The following MAP2K7 variants were observed in gnomAD, a reference collection of about 807,000 sequenced individuals.
MAP2K7 encodes the protein mitogen-activated protein kinase kinase 7.
MAP2K7 carries 12 observed loss-of-function variants against 47.7 expected under a neutral mutation model. That is an observed-to-expected ratio of 0.25 (90% confidence interval 0.16 to 0.41). The LOEUF (loss-of-function observed/expected upper bound fraction) is 0.41. Ranked by LOEUF, MAP2K7 falls within the 10% of genes least tolerant of loss-of-function variation. The pLI is 1.00. For synonymous variants in MAP2K7, 299 were observed against 243.0 expected (o/e 1.23, Z -2.14); for missense variants, 415 against 600.3 (o/e 0.69, Z 3.23).
rs187898294 is a variant in MAP2K7, at chr19:7,911,423, G to T, written c.937-13G>T. On this transcript the variant is annotated splice_polypyrimidine_tract_variant and intron_variant, in intron 8 of 10. Transcript: ENST00000397979. ...AACATAAACCTGTCCAGCCCTGCCC[G>T]TCTCCCTCCCAGGTGGAGCTGGCAA... 1.9e-6 allele frequency: 3 copies of T among 1,613,114 alleles called. No homozygotes were observed. The highest frequency in any genetic ancestry group is 2.2e-5 in the South Asian group (2 of 91,090).
intron 10 of MAP2K7, 39 bp downstream of exon 10, chr19:7,912,233 G>T: frequency 6.2e-7 from 1 of 1,613,632 alleles, no homozygotes; most frequent in East Asian, 2.2e-5. Flanking sequence ...TCCTGTCCCT[G>T]CGGAGGCGCG....
chr19:7,906,116 A>C, intron 1 of MAP2K7: 1 of 531,362 alleles, frequency 1.9e-6, no homozygotes, highest in Non-Finnish European at 3.4e-6. Context: ...TCCCCCACTG[A>C]ATGGGAGTCT....
intron 1 of MAP2K7, among the ~76,000 whole-genome samples, chr19:7,907,832 CAA>C (rs986933529): frequency 1.1e-4 from 17 of 151,958 alleles, no homozygotes; most frequent in African/African-American, 3.9e-4. Flanking sequence ...GGCAGTGTCT[CAA>C]GAGATGCCAG....
At chr19:7,904,194 C>G (rs919500008) in intron 1 of MAP2K7, 126 bp downstream of exon 1, 5 of 798,102 alleles carry the variant, frequency 6.3e-6, no homozygotes, top group Admixed American at 5.1e-5. Flanking sequence ...CCGCCCCCCC[C>G]GCTGCGGGCT....
chr19:7,904,469 CT>C, intron 1 of MAP2K7: 1 of 373,702 alleles, frequency 2.7e-6, no homozygotes, highest in South Asian at 1.8e-5. Context: ...TGGCGCCCCC[CT>C]CCCCCGGCCT....
In MAP2K7 at chr19:7,904,033, T is replaced by C; in HGVS notation, c.89T>C (p.Leu30Pro). The part of the protein sequence containing the change: ...ENREARRRID[L>P]NLDISPQRPR... ...CGGGAGGCCCGGCGGAGGATCGACC[T>C]CAACCTGGATATCAGCCCCCAGCGG... The change falls in exon 1 of 11, where the codon CTC becomes CCC. Residue 30 changes from leucine (L) to proline (P), a missense_variant. Physicochemically the swap from Leu to Pro is moderately conservative, Grantham distance 98. This residue lies in a region of MAP2K7 where 115 missense variants were observed against 126.2 expected (regional missense o/e 0.91). Transcript: ENST00000397979. 1 of 1,313,924 alleles carries C rather than the reference T, an allele frequency of 7.6e-7. No individual in the cohort carries two copies. The highest frequency in any genetic ancestry group is 9.9e-7 in the Non-Finnish European group (1 of 1,006,296). The allele number at this position is 1,313,924 out of a possible 1,614,324, so 81.4% of individuals were successfully genotyped here.
intron 1 of MAP2K7, chr19:7,905,991 C>G: frequency 2.5e-6 from 2 of 797,724 alleles, no homozygotes; most frequent in East Asian, 2.5e-5. Flanking sequence ...CTCACTTTCT[C>G]TCTCACTCCA....
chr19:7,907,730 A>G (rs8107967), intron 1 of MAP2K7, among the ~76,000 whole-genome samples: 71,977 of 152,066 alleles, frequency 0.47, 17,726 homozygotes, highest in Non-Finnish European at 0.55. Flanking sequence ...CTGTCAGGGA[A>G]GGGGCCCACA....
In MAP2K7 at chr19:7,912,589, C is replaced by T; in HGVS notation, c.*158C>T. 1.2e-6 allele frequency: 1 copy of T among 866,258 alleles called. No homozygotes were observed. The highest frequency in any genetic ancestry group is 1.7e-6 in the Non-Finnish European group (1 of 582,204). 53.7% of individuals were successfully genotyped at this position (866,258 alleles called of 1,614,324 possible). ...GGGGGGTGCCCACCCACCCCCCCCG[C>T]CCCGGGCCTACCAAGCCCCCGCCCT... On this transcript the variant is annotated 3_prime_UTR_variant, in exon 11 of 11. Transcript: ENST00000397979.
rs562357655 is a variant in MAP2K7 at position 7,907,562 on chromosome 19, C to A, written c.125-2193C>A. On this transcript the variant is annotated intron_variant, in intron 1 of 10. Transcript: ENST00000397979. The stretch of plus-strand genomic sequence containing the variant: ...TCCACCCTCCTGAGCTGCCATGTGG[C>A]CATCACCACCTCTGTGGCCTCTGTT... Among the ~76,000 whole-genome samples, 6 of 152,330 alleles carry A rather than the reference C, an allele frequency of 3.9e-5. No individual in the cohort carries two copies. The South Asian group carries it at 1.2e-3, about 32-fold the overall frequency.
rs200891471 is a variant in MAP2K7, at chr19:7,911,225, ACGT to A, written c.856-23_856-21del. ...GGAGGCCGGCCCCAGCCTTGGAGAT[ACGT>A]CTTCTCCTCCCCCCCCTGCAGCCCG... is the stretch of plus-strand genomic sequence containing the variant. On this transcript the variant is annotated intron_variant, in intron 7 of 10. Transcript: ENST00000397979. 3.9e-3 allele frequency: 6,278 copies of A among 1,606,684 alleles called. 24 individuals are homozygous for A. The highest frequency in any genetic ancestry group is 4.3e-3 in the Non-Finnish European group (5,044 of 1,175,742).
rs1983087392 is a variant in MAP2K7 at position 7,913,657 on chromosome 19, A to G, written c.*1226A>G. On this transcript the variant is annotated 3_prime_UTR_variant, in exon 11 of 11. Coordinates refer to ENST00000397979, the MANE Select transcript of MAP2K7 (RefSeq NM_145185.4). ...GGTGAGTGCACCGGGGACCCAGGCCAGGTGCCCCCCGGAGCCTGCTGGGGT... is the reference window on the plus strand; with the variant it reads ...GGTGAGTGCACCGGGGACCCAGGCCGGGTGCCCCCCGGAGCCTGCTGGGGT... 3 of 152,018 alleles carry G rather than the reference A, an allele frequency of 2.0e-5. No homozygotes were observed. The highest frequency in any genetic ancestry group is 2.0e-4 in the Admixed American group (3 of 15,276). 9.4% of individuals were successfully genotyped at this position (152,018 alleles called of 1,614,324 possible). A position where few individuals can be genotyped will look rare whatever the true frequency, so the allele number is the denominator to read the frequency against.
At chr19:7,904,212 C>A in intron 1 of MAP2K7, 144 bp downstream of exon 1, 2 of 693,490 alleles carry the variant, frequency 2.9e-6, no homozygotes, top group South Asian at 6.7e-5. Flanking sequence ...GCTCGCGGGG[C>A]GAGGGTCACG....
chr19:7,912,520 A>T lies in MAP2K7; in HGVS notation c.*89A>T. On this transcript the variant is annotated 3_prime_UTR_variant, in exon 11 of 11. Transcript: ENST00000397979. ...TGGCCACCCAGCTGCCTGCCAGGGG[A>T]GACCTGGGACCTGGACGGCCACCTA... 2 of 1,458,418 alleles carry T rather than the reference A, an allele frequency of 1.4e-6. No homozygotes were observed. The highest frequency in any genetic ancestry group is 1.8e-6 in the Non-Finnish European group (2 of 1,098,320). The allele number at this position is 1,458,418 out of a possible 1,614,324, so 90.3% of individuals were successfully genotyped here.
In MAP2K7 at chr19:7,912,346, C is replaced by T; in HGVS notation, c.1175C>T (p.Ser392Phe). 6.2e-7 allele frequency: 1 copy of T among 1,613,546 alleles called. No homozygotes were observed. Among genetic ancestry groups the T allele is most frequent in the South Asian group, 1.1e-5 (1 of 91,082 alleles). The change falls in exon 11 of 11, where the codon TCC becomes TTC. Residue 392 changes from serine (S) to phenylalanine (F), a missense_variant. Transcript: ENST00000397979. ...RYETLEVDVASWFKDVMAKTE... is the reference protein window; with the variant it reads ...RYETLEVDVAFWFKDVMAKTE... ...GAGACGCTGGAGGTGGACGTGGCGT[C>T]CTGGTTCAAGGATGTCATGGCGAAG...
chr19:7,911,723 G>A, intron 9 of MAP2K7, 145 bp downstream of exon 9: 1 of 830,022 alleles, frequency 1.2e-6, no homozygotes, highest in Non-Finnish European at 1.8e-6. Context: ...GGCTGCCACA[G>A]GAGCTGGAGC....
At position 7,905,488 on chromosome 19, in the gene MAP2K7, C is replaced by T. The variant is rs995898563; in HGVS notation, c.124+1420C>T. Among the ~76,000 whole-genome samples, 112 of 152,174 alleles carry T rather than the reference C, an allele frequency of 7.4e-4. 1 individual carries two copies. The highest frequency in any genetic ancestry group is 2.9e-5 in the Non-Finnish European group (2 of 68,014). On this transcript the variant is annotated intron_variant, in intron 1 of 10. Transcript: ENST00000397979. ...CGGGTCCCTGCTAGCCCCTGGGGGC[C>T]GCCCTCCCTGGCCCCTGAGTGGATG...
rs779087302 is a variant in MAP2K7 at position 7,910,148 on chromosome 19, C to T, written c.333+19C>T. The stretch of plus-strand genomic sequence containing the variant: ...GGGCCAGGTACCACCTTCACTGTGG[C>T]GGGGAGAGGGAGGAGGCCCAGCCAG... On this transcript the variant is annotated intron_variant, in intron 3 of 10. Coordinates refer to ENST00000397979, the MANE Select transcript of MAP2K7 (RefSeq NM_145185.4). The T allele has an allele frequency of 8.1e-5, 129 of 1,596,772 alleles. No individual in the cohort carries two copies. Among genetic ancestry groups the T allele is most frequent in the South Asian group, 1.0e-4 (9 of 89,444 alleles).
At chr19:7,904,653 CT>C in intron 1 of MAP2K7, 1 of 164,434 alleles carries the variant, frequency 6.1e-6, no homozygotes. Context: ...GAGGGGGTCC[CT>C]TCTCCCCCTC....
Sources: gnomAD v4.1 joint callset for allele counts (sites outside exome capture counted in the v4.1 genomes callset) on GRCh38, gnomAD v4.1.1 for gene constraint, gnomAD v4.1.1 regional missense constraint, MANE v1.5 for transcripts, NCBI Gene and HGNC (gene_info 2026-07-23, HGNC 2026-07-21) for gene names.